The following DGCR2 variants were observed in gnomAD, a reference collection of about 807,000 sequenced individuals.
The protein encoded by DGCR2 is integral membrane protein DGCR2/IDD.
A neutral mutation model predicts 51.6 loss-of-function variants in DGCR2; 24 were observed. That is an observed-to-expected ratio of 0.47 (90% CI 0.34 to 0.65). The LOEUF is 0.65. DGCR2 is among the 30% of genes least tolerant of loss of function. The pLI, the probability that DGCR2 is intolerant of heterozygous loss-of-function variation, is 0.01. For synonymous variants in DGCR2, 340 were observed against 315.4 expected, an observed-to-expected ratio of 1.08 and a Z score of -0.82; for missense variants, 765 against 772.1, an observed-to-expected ratio of 0.99 and a Z score of 0.11.
chr22:19,048,455 T>C lies in DGCR2; in HGVS notation c.991A>G (p.Met331Val), dbSNP rs757170277. ...RKDPKECCKF[M>V]CLDPDGNSLF... Reference sequence around the variant, plus strand: ...AGAGTCTCACCTGGGTCCAGACACATGAACTTGCAGCACTCTTTGGGGTCC... The same window carrying C: ...AGAGTCTCACCTGGGTCCAGACACACGAACTTGCAGCACTCTTTGGGGTCC... The change falls in exon 7 of 10, where the codon ATG becomes GTG. Residue 331 changes from methionine to valine, a missense_variant. Physicochemically the swap from Met to Val is conservative, Grantham distance 21 (BLOSUM62 1). Around this residue, in one of 3 missense-constraint regions of DGCR2, gnomAD observed 190 missense variants for 265.2 expected, o/e 0.72. Transcript: ENST00000263196. 6 of 1,614,156 alleles carry C rather than the reference T, an allele frequency of 3.7e-6. No individual in the cohort carries two copies. The highest frequency in any genetic ancestry group is 2.2e-5 in the South Asian group (2 of 91,082).
chr22:19,066,702 C>T (rs77370434), intron 3 of DGCR2, among the ~76,000 whole-genome samples: 2,500 of 152,256 alleles, frequency 0.016, 89 homozygotes, highest in East Asian at 0.062. Context: ...AGGATGGGAG[C>T]CAGCTGGCTG....
chr22:19,075,350 G>A (rs967842837), intron 2 of DGCR2, among the ~76,000 whole-genome samples: 1 of 152,160 alleles, frequency 6.6e-6, no homozygotes, highest in Non-Finnish European at 1.5e-5. Context: ...GGGAGGCTGA[G>A]GCAGGACAAT....
At chr22:19,064,465 C>T (rs1006919661) in intron 4 of DGCR2, among the ~76,000 whole-genome samples, 1 of 152,228 alleles carries the variant, frequency 6.6e-6, no homozygotes, top group Admixed American at 6.5e-5. Flanking sequence ...GGGGGAACCC[C>T]CACCTACACT....
chr22:19,042,170 TCAGGAGGAGC>T (rs1480197702), intron 7 of DGCR2, among the ~76,000 whole-genome samples: 2 of 152,128 alleles, frequency 1.3e-5, no homozygotes, highest in African/African-American at 4.8e-5. Flanking sequence ...GAATCCCAGG[TCAGGAGGAGC>T]ATCTCACCAT....
rs55803042 is a variant in DGCR2, at chr22:19,108,569, T to TAAAAA, written c.79+13554_79+13558dup. Among the ~76,000 whole-genome samples, 111 of 90,676 alleles carry TAAAAA rather than the reference T, an allele frequency of 1.2e-3. 2 individuals are homozygous for TAAAAA. Among genetic ancestry groups the TAAAAA allele is most frequent in the African/African-American group, 2.6e-3 (70 of 26,998 alleles). The allele number at this position is 90,676 out of a possible 152,430, so 59.5% of individuals were successfully genotyped here. A position where few individuals can be genotyped will look rare whatever the true frequency, so the allele number is the denominator to read the frequency against. ...CAGCCTGGGCAACAGAGAATTTATCTAAAAAAAAAAAAAAAAAAAAAAAAA... is the reference window on the plus strand; with the variant it reads ...CAGCCTGGGCAACAGAGAATTTATCTAAAAAAAAAAAAAAAAAAAAAAAAAAAAAA... On this transcript the variant is annotated intron_variant, in intron 1 of 9. Coordinates refer to ENST00000263196, the MANE Select transcript of DGCR2 (RefSeq NM_005137.3).
chr22:19,116,747 C>T (rs534016919), intron 1 of DGCR2, among the ~76,000 whole-genome samples: 1 of 152,262 alleles, frequency 6.6e-6, no homozygotes, highest in South Asian at 2.1e-4. Flanking sequence ...CCAATCGGGT[C>T]GTCCTTATGC....
intron 6 of DGCR2, among the ~76,000 whole-genome samples, chr22:19,049,190 G>T (rs1332617628): frequency 1.3e-5 from 2 of 152,230 alleles, no homozygotes; most frequent in African/African-American, 2.4e-5. Context: ...AGATGCAGCT[G>T]CTATGAGTAT....
rs147120955 is a variant in DGCR2 at position 19,074,270 on chromosome 22, A to G, written c.203-6045T>C. The stretch of plus-strand genomic sequence containing the variant: ...TGAAACCCTGTCTCTACTAAAAAAT[A>G]CAAAAATTAGCTGGGTGTGGTGGCA... On this transcript the variant is annotated intron_variant, in intron 2 of 9. Transcript: ENST00000263196. Among the ~76,000 whole-genome samples the G allele has an allele frequency of 7.8e-4, 119 of 152,240 alleles. No individual in the cohort carries two copies. The Middle Eastern group carries it at 0.014, about 17-fold the overall frequency.
At chr22:19,097,035 T>C (rs897152292) in intron 1 of DGCR2, among the ~76,000 whole-genome samples, 23 of 152,124 alleles carry the variant, frequency 1.5e-4, no homozygotes, top group African/African-American at 5.6e-4. Context: ...TTGGAAATAG[T>C]TGAGTAAGAA....
At chr22:19,048,178 C>A (rs1018938538) in intron 7 of DGCR2, 1 of 545,556 alleles carries the variant, frequency 1.8e-6, no homozygotes, top group Non-Finnish European at 3.3e-6. Flanking sequence ...AACAAACAGC[C>A]ACACTTGAGT....
Position 19,036,867 on chromosome 22 carries a change from C to T in DGCR2, c.*1998G>A, listed in dbSNP as rs2082374992. 2.0e-5 allele frequency: 3 copies of T among 152,732 alleles called. No individual in the cohort carries two copies. The highest frequency in any genetic ancestry group is 2.0e-4 in the Admixed American group (3 of 15,288). 9.5% of individuals were successfully genotyped at this position (152,732 alleles called of 1,614,324 possible). ...ACGTGTCTGACCGGCCCCTAATGTT[C>T]CTCTGGTCCCCAAAGGAAGCGTCCC... is the stretch of plus-strand genomic sequence containing the variant. On this transcript the variant is annotated 3_prime_UTR_variant, in exon 10 of 10. Transcript: ENST00000263196.
chr22:19,117,820 G>A (rs981553931), intron 1 of DGCR2, among the ~76,000 whole-genome samples: 2 of 152,120 alleles, frequency 1.3e-5, no homozygotes, highest in African/African-American at 4.8e-5. Flanking sequence ...AAGGTAGAAA[G>A]TATATTACAT....
At chr22:19,052,066 T>C (rs747344688) in intron 6 of DGCR2, among the ~76,000 whole-genome samples, 1 of 152,184 alleles carries the variant, frequency 6.6e-6, no homozygotes, top group Admixed American at 6.5e-5. Context: ...AAACTAAACC[T>C]GCAACTACGA....
chr22:19,067,692 CTAAATAAATAAATAAATAAA>C (rs60372595), intron 3 of DGCR2, among the ~76,000 whole-genome samples: 6 of 149,930 alleles, frequency 4.0e-5, no homozygotes, highest in Non-Finnish European at 7.4e-5. Context: ...GACTCCGTCT[CTAAATAAATAAATAAATAAA>C]TAAATAAATA....
chr22:19,103,875 G>A (rs1352340264), intron 1 of DGCR2, among the ~76,000 whole-genome samples: 3 of 150,926 alleles, frequency 2.0e-5, no homozygotes, highest in Non-Finnish European at 4.4e-5. Flanking sequence ...GCCAGACCCT[G>A]ACTCTACAAA....
At position 19,095,416 on chromosome 22, in the gene DGCR2, C is replaced by A. The variant is rs537584663; in HGVS notation, c.80-5926G>T. 2.0e-5 allele frequency among the ~76,000 whole-genome samples: 3 copies of A among 152,228 alleles called. No individual in the cohort carries two copies. The South Asian group carries it at 6.2e-4, about 32-fold the overall frequency. ...GTGGCTCACACCTGTAATCCCAGCACTTTGGGAGACCGAGGCAGGCAAATC... is the reference window on the plus strand; with the variant it reads ...GTGGCTCACACCTGTAATCCCAGCAATTTGGGAGACCGAGGCAGGCAAATC... On this transcript the variant is annotated intron_variant, in intron 1 of 9. Transcript: ENST00000263196.
At chr22:19,055,002 G>C (rs961336374) in intron 6 of DGCR2, among the ~76,000 whole-genome samples, 5 of 152,106 alleles carry the variant, frequency 3.3e-5, no homozygotes, top group Non-Finnish European at 5.9e-5. Flanking sequence ...TGTAATCCCA[G>C]CTACTCAGGA....
At chr22:19,105,371 C>A (rs1480776535) in intron 1 of DGCR2, among the ~76,000 whole-genome samples, 1 of 152,148 alleles carries the variant, frequency 6.6e-6, no homozygotes, top group African/African-American at 2.4e-5. Context: ...GATAGCACAA[C>A]TAAAAGACAA....
intron 2 of DGCR2, among the ~76,000 whole-genome samples, chr22:19,077,176 T>C (rs925490114): frequency 2.0e-5 from 3 of 152,244 alleles, no homozygotes; most frequent in East Asian, 3.8e-4. Context: ...TTTTAATTAA[T>C]AGAAGTTTTA....
Sources: gnomAD v4.1 joint callset for allele counts (sites outside exome capture counted in the v4.1 genomes callset) on GRCh38, gnomAD v4.1.1 for gene constraint, gnomAD v4.1.1 regional missense constraint, MANE v1.5 for transcripts, NCBI Gene and HGNC (gene_info 2026-07-23, HGNC 2026-07-21) for gene names.